IL1RAPL1: variants seen among roughly 807,000 people sequenced by gnomAD.
IL1RAPL1 encodes interleukin 1 receptor accessory protein like 1.
Under a neutral mutation model 48.4 loss-of-function variants are expected in IL1RAPL1, and 3 were observed. The observed-to-expected ratio is 0.06, with a 90% CI of 0.03 to 0.16. IL1RAPL1 has a LOEUF of 0.16. Ranked by LOEUF, IL1RAPL1 falls within the 10% of genes least tolerant of loss-of-function variation. The pLI is 1.00. For synonymous variants in IL1RAPL1, 185 were observed against 187.7 expected, an observed-to-expected ratio of 0.99 and a Z score of 0.12; for missense variants, 349 against 530.6, an observed-to-expected ratio of 0.66 and a Z score of 3.36.
intron 1 of IL1RAPL1, among the ~76,000 whole-genome samples, chrX:28,719,761 G>T (rs1935548141): frequency 9.0e-6 from 1 of 110,958 alleles, no homozygotes; most frequent in Non-Finnish European, 1.9e-5. Flanking sequence ...CAGTAGAAAG[G>T]TGTTACATCT....
intron 6 of IL1RAPL1, among the ~76,000 whole-genome samples, chrX:29,885,411 G>C (rs1006156618): frequency 2.7e-5 from 3 of 111,890 alleles, no homozygotes; most frequent in Non-Finnish European, 3.8e-5. Context: ...TAGGATGCAA[G>C]TCCCATGGGG....
intron 1 of IL1RAPL1, among the ~76,000 whole-genome samples, chrX:28,623,656 A>C (rs778596669): frequency 8.9e-6 from 1 of 112,256 alleles, no homozygotes; most frequent in South Asian, 3.7e-4. Flanking sequence ...TCTTTCCTTC[A>C]TAAGTTTTAT....
chrX:28,599,668 G>A, intron 1 of IL1RAPL1, among the ~76,000 whole-genome samples: 1 of 111,917 alleles, frequency 8.9e-6, no homozygotes, highest in East Asian at 2.8e-4. Context: ...CCTATCTGTT[G>A]TAAGAATGGT....
intron 1 of IL1RAPL1, among the ~76,000 whole-genome samples, chrX:28,649,953 A>G (rs1340958509): frequency 1.8e-5 from 2 of 111,631 alleles, no homozygotes. Flanking sequence ...ATGGAGTGCC[A>G]TGAGAGAAGA....
chrX:29,572,892 T>C (rs924369055), intron 5 of IL1RAPL1, among the ~76,000 whole-genome samples: 39 of 112,823 alleles, frequency 3.5e-4, no homozygotes, highest in African/African-American at 1.2e-3. Flanking sequence ...ATACCTTCTC[T>C]CAATTGCCTG....
At chrX:29,752,035 ATATC>A (rs991455479) in intron 6 of IL1RAPL1, among the ~76,000 whole-genome samples, 12 of 99,598 alleles carry the variant, frequency 1.2e-4, no homozygotes, top group Admixed American at 5.6e-4. Context: ...GTAACTACCT[ATATC>A]TATCTATTTT....
At chrX:29,123,005 TTTTATTTA>T (rs201703450) in intron 2 of IL1RAPL1, among the ~76,000 whole-genome samples, 23,879 of 101,462 alleles carry the variant, frequency 0.24, 2,601 homozygotes, top group African/African-American at 0.37. Context: ...GAATAGCACG[TTTTATTTA>T]TTTATTTATT....
At chrX:29,334,095 G>A (rs1334839978) in intron 3 of IL1RAPL1, among the ~76,000 whole-genome samples, 1 of 88,440 alleles carries the variant, frequency 1.1e-5, no homozygotes, top group Non-Finnish European at 2.3e-5. Flanking sequence ...CCTCCCTCCC[G>A]GACGGGGCGG....
chrX:29,491,451 A>G (rs913681480), intron 5 of IL1RAPL1, among the ~76,000 whole-genome samples: 2 of 112,583 alleles, frequency 1.8e-5, no homozygotes, highest in Non-Finnish European at 3.8e-5. Context: ...AGTCCCTTGC[A>G]TTTGATTAGC....
intron 2 of IL1RAPL1, among the ~76,000 whole-genome samples, chrX:29,244,185 T>G (rs765647646): frequency 8.9e-6 from 1 of 111,928 alleles, no homozygotes; most frequent in East Asian, 2.8e-4. Flanking sequence ...GCATTAAAAT[T>G]TTTGCAATGG....
chrX:28,827,186 T>C (rs1000514960), intron 2 of IL1RAPL1, among the ~76,000 whole-genome samples: 3 of 111,343 alleles, frequency 2.7e-5, no homozygotes, highest in African/African-American at 9.8e-5. Context: ...AAAGCATAAA[T>C]ATTTTCTTCA....
At chrX:29,013,675 C>T (rs1926176522) in intron 2 of IL1RAPL1, among the ~76,000 whole-genome samples, 1 of 110,963 alleles carries the variant, frequency 9.0e-6, no homozygotes. Flanking sequence ...AACACATGGA[C>T]ACATGGTGGG....
chrX:29,209,249 C>T (rs1168927113), intron 2 of IL1RAPL1, among the ~76,000 whole-genome samples: 2 of 111,926 alleles, frequency 1.8e-5, no homozygotes, highest in East Asian at 5.6e-4. Context: ...CATTTCATTT[C>T]CACTCTCCTC....
At chrX:29,708,873 A>G (rs1402776111) in intron 6 of IL1RAPL1, among the ~76,000 whole-genome samples, 1 of 112,299 alleles carries the variant, frequency 8.9e-6, no homozygotes, top group African/African-American at 3.2e-5. Context: ...CACACTTGCC[A>G]ACACTTGTTA....
intron 3 of IL1RAPL1, among the ~76,000 whole-genome samples, chrX:29,321,879 G>A (rs748139763): frequency 1.8e-5 from 2 of 111,555 alleles, no homozygotes; most frequent in East Asian, 5.6e-4. Flanking sequence ...CAAAACATAA[G>A]CAATACAAAT....
intron 2 of IL1RAPL1, 140 bp from the exon 3 acceptor site, chrX:29,282,798 A>G (rs1932222651): frequency 8.6e-6 from 5 of 581,250 alleles, no homozygotes; most frequent in South Asian, 2.7e-5. Flanking sequence ...ATTCATTGCT[A>G]TGTGCTCTGT....
chrX:29,390,546 G>A (rs769017309), intron 3 of IL1RAPL1, among the ~76,000 whole-genome samples: 1 of 111,655 alleles, frequency 9.0e-6, no homozygotes, highest in African/African-American at 3.3e-5. Flanking sequence ...GGGACTTGAG[G>A]ATTAGCAGAA....
intron 1 of IL1RAPL1, among the ~76,000 whole-genome samples, chrX:28,737,853 G>A (rs934263270): frequency 8.1e-5 from 9 of 111,540 alleles, no homozygotes; most frequent in Admixed American, 5.7e-4. Flanking sequence ...AGTGCTAAGC[G>A]TTCTGCTAGT....
At chrX:29,749,475 T>G (rs1478534124) in intron 6 of IL1RAPL1, among the ~76,000 whole-genome samples, 1 of 112,188 alleles carries the variant, frequency 8.9e-6, no homozygotes, top group Non-Finnish European at 1.9e-5. Context: ...ATGAGTTAAA[T>G]AAGCAATTTT....
Sources: allele counts gnomAD v4.1 joint callset (sites outside exome capture counted in the v4.1 genomes callset), GRCh38; gene constraint gnomAD v4.1.1; transcripts MANE v1.5; gene names NCBI Gene and HGNC (gene_info 2026-07-23, HGNC 2026-07-21).